TRAPPC12: variants seen among roughly 807,000 people sequenced by gnomAD.
TRAPPC12 encodes trafficking protein particle complex subunit 12.
A neutral mutation model predicts 69.2 loss-of-function variants in TRAPPC12; 61 were observed. The observed-to-expected ratio is 0.88, with a 90% CI of 0.72 to 1.09. TRAPPC12 has a LOEUF of 1.09. Among genes scored for constraint, TRAPPC12 ranks in the 50% least tolerant of loss-of-function variants. The pLI, the probability that TRAPPC12 is intolerant of heterozygous loss-of-function variation, is 0.00. For synonymous variants in TRAPPC12, 469 were observed against 438.9 expected, an observed-to-expected ratio of 1.07 and a Z score of -0.86; for missense variants, 1,101 against 1,016.4, an observed-to-expected ratio of 1.08 and a Z score of -1.13.
intron 4 of TRAPPC12, among the ~76,000 whole-genome samples, chr2:3,424,016 A>T (rs1340724598): frequency 2.0e-5 from 3 of 151,934 alleles, no homozygotes; most frequent in Non-Finnish European, 4.4e-5. Context: ...GCCCTCAAAC[A>T]CAACCCATCC....
At chr2:3,422,375 G>A (rs978426859) in intron 4 of TRAPPC12, among the ~76,000 whole-genome samples, 14 of 152,120 alleles carry the variant, frequency 9.2e-5, no homozygotes, top group African/African-American at 2.9e-4. Flanking sequence ...AGGACGGAGG[G>A]TCCATGTGCC....
chr2:3,410,138 T>A (rs1457466648), intron 3 of TRAPPC12, among the ~76,000 whole-genome samples: 1 of 152,248 alleles, frequency 6.6e-6, no homozygotes, highest in African/African-American at 2.4e-5. Context: ...TGTGTAGATA[T>A]GACTGCATGT....
At chr2:3,400,867 G>A (rs980006877) in intron 2 of TRAPPC12, among the ~76,000 whole-genome samples, 20 of 152,318 alleles carry the variant, frequency 1.3e-4, no homozygotes, top group Admixed American at 3.3e-4. Flanking sequence ...GACACTAGCT[G>A]TGAGATTGCT....
At chr2:3,475,133 T>G (rs890237001) in intron 9 of TRAPPC12, among the ~76,000 whole-genome samples, 2 of 152,236 alleles carry the variant, frequency 1.3e-5, no homozygotes, top group Admixed American at 1.3e-4. Flanking sequence ...TCTTGCTCTG[T>G]CTGCCAGGCT....
intron 9 of TRAPPC12, 79 bp downstream of exon 9, chr2:3,465,774 A>G: frequency 1.1e-6 from 1 of 949,794 alleles, no homozygotes; most frequent in Non-Finnish European, 1.7e-6. Context: ...TTTGCTTTTA[A>G]TCATTTTAAT....
intron 1 of TRAPPC12, among the ~76,000 whole-genome samples, chr2:3,386,792 G>A (rs1660513501): frequency 6.6e-6 from 1 of 152,046 alleles, no homozygotes; most frequent in Admixed American, 6.6e-5. Flanking sequence ...GGAAGAGGAG[G>A]GACTTAGCTG....
At chr2:3,464,206 TGCTC>T (rs1371249308) in intron 8 of TRAPPC12, among the ~76,000 whole-genome samples, 7 of 152,076 alleles carry the variant, frequency 4.6e-5, no homozygotes, top group East Asian at 1.9e-4. Flanking sequence ...TACACACACA[TGCTC>T]GCACTCGCAC....
At chr2:3,472,105 C>T (rs2103167499) in intron 9 of TRAPPC12, among the ~76,000 whole-genome samples, 1 of 152,228 alleles carries the variant, frequency 6.6e-6, no homozygotes, top group African/African-American at 2.4e-5. Flanking sequence ...GGACGGGATG[C>T]AGGACCACTC....
At chr2:3,392,688 A>G (rs908929131) in intron 2 of TRAPPC12, among the ~76,000 whole-genome samples, 1 of 152,242 alleles carries the variant, frequency 6.6e-6, no homozygotes, top group African/African-American at 2.4e-5. Context: ...GGAGACAGCA[A>G]GAGTTGGTGA....
intron 5 of TRAPPC12, among the ~76,000 whole-genome samples, chr2:3,428,167 A>C (rs1420467291): frequency 1.3e-5 from 2 of 152,238 alleles, no homozygotes; most frequent in African/African-American, 4.8e-5. Flanking sequence ...AAGCCTAGAA[A>C]ACATGCTTTG....
At chr2:3,463,906 G>C (rs968474081) in intron 8 of TRAPPC12, among the ~76,000 whole-genome samples, 4 of 152,122 alleles carry the variant, frequency 2.6e-5, no homozygotes, top group Admixed American at 1.3e-4. Flanking sequence ...AGAAGCCTAG[G>C]GGGGCAGCTG....
intron 1 of TRAPPC12, among the ~76,000 whole-genome samples, chr2:3,382,662 C>T (rs182305249): frequency 9.9e-5 from 15 of 152,280 alleles, no homozygotes; most frequent in South Asian, 6.2e-4. Flanking sequence ...ACGTGGCTCA[C>T]GCCTGTAATC....
Position 3,479,245 on chromosome 2 carries a change from G to C in TRAPPC12, c.1992G>C (p.Leu664=), listed in dbSNP as rs576597106. The part of the protein sequence containing the change: ...AVANNNAAVC[L]LYLGKLKDSL... ...CCAACAACAACGCTGCCGTGTGTCT[G>C]CTCTACCTGGGCAAGCTCAAGGACT... The change falls in exon 12 of 12, where the codon CTG becomes CTC. Residue 664 remains leucine (L), a synonymous_variant. Transcript: ENST00000324266. 6.2e-7 allele frequency: 1 copy of C among 1,614,052 alleles called. No homozygotes were observed. The highest frequency in any genetic ancestry group is 1.3e-5 in the African/African-American group (1 of 75,064).
intron 3 of TRAPPC12, among the ~76,000 whole-genome samples, chr2:3,413,607 AG>A (rs1171425452): frequency 6.6e-6 from 1 of 152,270 alleles, no homozygotes; most frequent in Non-Finnish European, 1.5e-5. Context: ...GAAAGTTTTG[AG>A]TAAATGATAC....
At chr2:3,406,029 C>A (rs1292077256) in intron 3 of TRAPPC12, among the ~76,000 whole-genome samples, 1 of 152,216 alleles carries the variant, frequency 6.6e-6, no homozygotes, top group Admixed American at 6.5e-5. Flanking sequence ...ATCCCTCAGG[C>A]CTCTTGCCCC....
At chr2:3,452,703 T>C (rs1437139785) in intron 6 of TRAPPC12, among the ~76,000 whole-genome samples, 1 of 152,190 alleles carries the variant, frequency 6.6e-6, no homozygotes, top group Non-Finnish European at 1.5e-5. Context: ...CTCCTGGACG[T>C]TTCAAAGACC....
In TRAPPC12 at chr2:3,381,454, A is replaced by G. The variant is rs971393416; in HGVS notation, c.-5+1578A>G. On this transcript the variant is annotated intron_variant, in intron 1 of 11. Transcript: ENST00000324266. ...AAATTTTAAACAATTAATTAATCAC[A>G]TTCTTGTGCAAAGCCCTCAACTGGA... 2.0e-5 allele frequency among the ~76,000 whole-genome samples: 3 copies of G among 152,326 alleles called. No individual in the cohort carries two copies. In the South Asian group the frequency reaches 6.2e-4, roughly 32 times the overall value.
chr2:3,430,012 C>T (rs952972145), intron 5 of TRAPPC12, among the ~76,000 whole-genome samples: 7 of 152,198 alleles, frequency 4.6e-5, no homozygotes, highest in African/African-American at 1.7e-4. Flanking sequence ...ATATTTGCTT[C>T]ATACACACAC....
intron 2 of TRAPPC12, among the ~76,000 whole-genome samples, chr2:3,396,691 C>G (rs1572094126): frequency 1.3e-5 from 2 of 152,116 alleles, no homozygotes; most frequent in African/African-American, 4.8e-5. Flanking sequence ...TCCTTAAGTT[C>G]ACTTATCTTT....
Sources: allele counts gnomAD v4.1 joint callset (sites outside exome capture counted in the v4.1 genomes callset), GRCh38; gene constraint gnomAD v4.1.1; transcripts MANE v1.5; gene names NCBI Gene and HGNC (gene_info 2026-07-23, HGNC 2026-07-21).